The following PARP4 variants were observed in gnomAD, a reference collection of about 807,000 sequenced individuals.
PARP4 encodes the protein protein mono-ADP-ribosyltransferase PARP4.
PARP4 carries 120 observed loss-of-function variants against 187.7 expected under a neutral mutation model. That is an observed-to-expected ratio of 0.64 (90% CI 0.55 to 0.74). The LOEUF is 0.74. PARP4 is among the 30% of genes least tolerant of loss of function. The pLI is 0.00. For synonymous variants in PARP4, 654 were observed against 740.9 expected (o/e 0.88, Z 1.90); for missense variants, 1,836 against 2,070.5 (o/e 0.89, Z 2.20).
At chr13:24,429,446 TTACTC>T (rs566849544) in intron 32 of PARP4, among the ~76,000 whole-genome samples, 55 of 152,366 alleles carry the variant, frequency 3.6e-4, no homozygotes, top group Admixed American at 3.1e-3. Flanking sequence ...CTATGCTATC[TTACTC>T]TAAAGAATGT....
At chr13:24,459,554 C>CACACACACAA in intron 18 of PARP4, 1 of 420,688 alleles carries the variant, frequency 2.4e-6, no homozygotes. Context: ...CACGCACACA[C>CACACACACAA]ACACACACAC....
chr13:24,499,260 TG>T (rs1869136243), intron 5 of PARP4, 40 bp downstream of exon 5: 5 of 1,461,908 alleles, frequency 3.4e-6, no homozygotes, highest in Non-Finnish European at 4.5e-6. Context: ...CAAACAGGTG[TG>T]TTTTTTTTTT....
chr13:24,485,758 A>G (rs1176234321), intron 11 of PARP4, among the ~76,000 whole-genome samples: 1 of 152,250 alleles, frequency 6.6e-6, no homozygotes, highest in Non-Finnish European at 1.5e-5. Context: ...ATACACATGG[A>G]AGACTCATGA....
intron 33 of PARP4, among the ~76,000 whole-genome samples, chr13:24,421,784 G>A (rs1301031529): frequency 2.6e-5 from 4 of 152,294 alleles, no homozygotes; most frequent in African/African-American, 9.6e-5. Context: ...GTTGTGTCAC[G>A]TAAACCAGGA....
intron 9 of PARP4, 74 bp downstream of exon 9, chr13:24,492,347 T>C: frequency 2.0e-6 from 2 of 1,009,322 alleles, no homozygotes; most frequent in Non-Finnish European, 2.9e-6. Context: ...TGTTACCTCA[T>C]TCATCAGATT....
intron 30 of PARP4, among the ~76,000 whole-genome samples, chr13:24,436,578 G>A (rs939848666): frequency 6.6e-6 from 1 of 152,182 alleles, no homozygotes; most frequent in Non-Finnish European, 1.5e-5. Flanking sequence ...AAAGTGCTAG[G>A]ATTACAGGTG....
chr13:24,498,026 A>G, intron 6 of PARP4, 90 bp downstream of exon 6: 1 of 824,898 alleles, frequency 1.2e-6, no homozygotes, highest in South Asian at 1.6e-5. Flanking sequence ...AACAGGTAAG[A>G]AGAAAAAGGT....
At chr13:24,426,891 CAAAAAAAAAA>C (rs5802279) in intron 32 of PARP4, among the ~76,000 whole-genome samples, 11 of 93,582 alleles carry the variant, frequency 1.2e-4, no homozygotes, top group African/African-American at 3.4e-4. Flanking sequence ...GACTCTGTCT[CAAAAAAAAAA>C]AAAAAAAAAA....
intron 25 of PARP4, among the ~76,000 whole-genome samples, chr13:24,447,408 G>A (rs949515092): frequency 2.0e-5 from 3 of 152,194 alleles, no homozygotes; most frequent in Admixed American, 6.5e-5. Flanking sequence ...TCGCCCAGGC[G>A]GGAGTGCAGT....
chr13:24,434,301 T>C (rs146081229), intron 31 of PARP4, 94 bp downstream of exon 31: 264 of 1,197,362 alleles, frequency 2.2e-4, no homozygotes, highest in African/African-American at 1.7e-3. Flanking sequence ...TACAGACTGA[T>C]GATAGACGGT....
At position 24,446,977 on chromosome 13, in the gene PARP4, T is replaced by C. The variant is rs746481597; in HGVS notation, c.3285+39A>G. 1.6e-5 allele frequency: 24 copies of C among 1,535,428 alleles called. No individual in the cohort carries two copies. In the Middle Eastern group the frequency reaches 1.4e-3, roughly 89 times the overall value. The stretch of plus-strand genomic sequence containing the variant: ...CAGAAAAAAAATTAGCAAAATATAT[T>C]GGTCTTCCCATAGAATAACAAACTC... On this transcript the variant is annotated intron_variant, in intron 26 of 33. Coordinates refer to ENST00000381989, the MANE Select transcript of PARP4 (RefSeq NM_006437.4).
chr13:24,501,935 T>C, intron 2 of PARP4, 101 bp from the exon 3 acceptor site: 1 of 724,608 alleles, frequency 1.4e-6, no homozygotes, highest in Non-Finnish European at 2.3e-6. Context: ...ATTAAGGTAG[T>C]TTGTGATAAT....
intron 22 of PARP4, among the ~76,000 whole-genome samples, chr13:24,454,241 C>T (rs1871698595): frequency 6.6e-6 from 1 of 152,246 alleles, no homozygotes; most frequent in African/African-American, 2.4e-5. Context: ...CAGGGCATTG[C>T]AATGGCCTGA....
intron 9 of PARP4, among the ~76,000 whole-genome samples, chr13:24,491,533 A>C (rs1265368531): frequency 6.6e-6 from 1 of 152,178 alleles, no homozygotes; most frequent in Non-Finnish European, 1.5e-5. Context: ...TTCCTCTGGG[A>C]ATCTGTTGAA....
chr13:24,459,140 A>T lies in PARP4; in HGVS notation c.2346-18T>A. 6.3e-7 allele frequency: 1 copy of T among 1,593,228 alleles called. No individual in the cohort carries two copies. The highest frequency in any genetic ancestry group is 8.6e-7 in the Non-Finnish European group (1 of 1,165,914). On this transcript the variant is annotated intron_variant, in intron 19 of 33. Coordinates refer to ENST00000381989, the MANE Select transcript of PARP4 (RefSeq NM_006437.4). Reference sequence around the variant, plus strand: ...AAGAGAAGCTAGCAAAAATGAAGAGAAAGTTGTCTTAGTCTACGATCTTAA... The same window carrying T: ...AAGAGAAGCTAGCAAAAATGAAGAGTAAGTTGTCTTAGTCTACGATCTTAA...
At chr13:24,427,846 T>C (rs1870135940) in intron 32 of PARP4, among the ~76,000 whole-genome samples, 1 of 152,220 alleles carries the variant, frequency 6.6e-6, no homozygotes, top group Non-Finnish European at 1.5e-5. Flanking sequence ...CTGGATTCTT[T>C]TGTGGCTTAT....
chr13:24,482,550 T>C (rs1344643258), intron 12 of PARP4, among the ~76,000 whole-genome samples: 1 of 152,188 alleles, frequency 6.6e-6, no homozygotes, highest in East Asian at 1.9e-4. Flanking sequence ...CCATAGACAT[T>C]GACACGAGAC....
chr13:24,503,507 G>A, intron 2 of PARP4, 138 bp downstream of exon 2: 1 of 1,015,724 alleles, frequency 9.8e-7, no homozygotes, highest in South Asian at 1.5e-5. Flanking sequence ...AATGGGCCAT[G>A]TCAGTCTCTC....
intron 17 of PARP4, among the ~76,000 whole-genome samples, chr13:24,464,395 C>CTG (rs2137490246): frequency 6.6e-6 from 1 of 152,284 alleles, no homozygotes; most frequent in South Asian, 2.1e-4. Flanking sequence ...AGACTTCACA[C>CTG]TATACTACAA....
Sources: gnomAD v4.1 joint callset for allele counts (sites outside exome capture counted in the v4.1 genomes callset) on GRCh38, gnomAD v4.1.1 for gene constraint, MANE v1.5 for transcripts, NCBI Gene and HGNC (gene_info 2026-07-23, HGNC 2026-07-21) for gene names.